The following GPI variants were observed in gnomAD, a reference collection of about 807,000 sequenced individuals.
GPI encodes glucose-6-phosphate isomerase, also known as D-hexose-6-phosphate anomerase.
In GPI, 56 loss-of-function variants were observed where a neutral mutation model predicts 75.8. The ratio of observed to expected loss-of-function variants is 0.74; its 90% CI spans 0.60 to 0.92. GPI has a LOEUF of 0.92. Among genes scored for constraint, GPI ranks in the 40% least tolerant of loss-of-function variants. GPI has a pLI of 0.00. For missense variants in GPI, 638 were observed against 741.0 expected (o/e 0.86, Z 1.61); for synonymous variants, 288 against 285.4 (o/e 1.01, Z -0.09).
At chr19:34,373,426 G>A (rs2074485582) in intron 4 of GPI, among the ~76,000 whole-genome samples, 1 of 151,250 alleles carries the variant, frequency 6.6e-6, no homozygotes, top group Non-Finnish European at 1.5e-5. Flanking sequence ...GCATGGTGGT[G>A]CATGCCGGTA....
chr19:34,365,420 G>T, intron 1 of GPI, 32 bp downstream of exon 1: 4 of 1,541,078 alleles, frequency 2.6e-6, no homozygotes, highest in Non-Finnish European at 3.5e-6. Context: ...GGGCTGCCAC[G>T]CGCGGCGCCC....
chr19:34,398,859 G>A, intron 14 of GPI: 1 of 216,504 alleles, frequency 4.6e-6, no homozygotes, highest in South Asian at 6.7e-5. Context: ...GCGCCACCAT[G>A]CCCAGCTAAA....
At chr19:34,395,142 C>G (rs1324450815) in intron 12 of GPI, among the ~76,000 whole-genome samples, 1 of 152,180 alleles carries the variant, frequency 6.6e-6, no homozygotes, top group African/African-American at 2.4e-5. Context: ...GCCAAGGTTC[C>G]CCAAATCCCA....
Position 34,368,701 on chromosome 19 carries a change from A to G in GPI, c.401A>G (p.Gln134Arg), listed in dbSNP as rs2074404801. 1 of 1,614,106 alleles carries G rather than the reference A, an allele frequency of 6.2e-7. No individual in the cohort carries two copies. Among genetic ancestry groups the G allele is most frequent in the African/African-American group, 1.3e-5 (1 of 74,930 alleles). ...KVLDKMKSFC[Q>R]RVRSGDWKGY... ...CTGGACAAGATGAAGTCTTTCTGCCAGGTAAGTGGCTACTGGGCCGGACTC... is the reference window on the plus strand; with the variant it reads ...CTGGACAAGATGAAGTCTTTCTGCCGGGTAAGTGGCTACTGGGCCGGACTC... The change falls in exon 4 of 18, where the codon CAG (glutamine) becomes CGG (arginine). Residue 134 changes from glutamine (Q) to arginine (R), a missense_variant and splice_region_variant. By Grantham distance (43) the Gln-to-Arg change is conservative. Coordinates refer to ENST00000356487, the MANE Select transcript of GPI (RefSeq NM_000175.5).
At chr19:34,392,195 T>TGGCACAAGTATGA (rs2074860022) in intron 9 of GPI, 22 of 11,490 alleles carry the variant, frequency 1.9e-3, no homozygotes, top group Non-Finnish European at 2.6e-3. Flanking sequence ...CTGAGGAGGT[T>TGGCACAAGTATGA]GGATCTGGCC....
At chr19:34,397,951 A>G (rs917664955) in intron 14 of GPI, 2 of 151,626 alleles carry the variant, frequency 1.3e-5, no homozygotes, top group Admixed American at 6.6e-5. Context: ...CACTGGCCCA[A>G]TCATAGCTCA....
intron 9 of GPI, among the ~76,000 whole-genome samples, chr19:34,387,268 A>G (rs950484527): frequency 6.6e-6 from 1 of 152,216 alleles, no homozygotes; most frequent in Non-Finnish European, 1.5e-5. Context: ...AAACCATTGC[A>G]TCGATGCTCA....
At chr19:34,378,696 G>A (rs1359502049) in intron 6 of GPI, among the ~76,000 whole-genome samples, 2 of 152,226 alleles carry the variant, frequency 1.3e-5, no homozygotes, top group Admixed American at 1.3e-4. Context: ...CCCCTCAGGG[G>A]AGAAGCTGCG....
intron 9 of GPI, among the ~76,000 whole-genome samples, chr19:34,390,757 A>T (rs1176184643): frequency 1.3e-5 from 2 of 150,236 alleles, no homozygotes; most frequent in Non-Finnish European, 3.0e-5. Context: ...AGCATCTGGC[A>T]CAGGTATGAG....
At chr19:34,388,467 A>G (rs560545699) in intron 9 of GPI, among the ~76,000 whole-genome samples, 24 of 140,200 alleles carry the variant, frequency 1.7e-4, no homozygotes, top group Non-Finnish European at 3.0e-4. Context: ...AGAGTGAGAG[A>G]CCCTGTCTCA....
chr19:34,366,172 G>C, intron 1 of GPI, 173 bp from the exon 2 acceptor site: 1 of 702,418 alleles, frequency 1.4e-6, no homozygotes, highest in Non-Finnish European at 2.6e-6. Flanking sequence ...TGCTGTTGCA[G>C]ATCATCCTGG....
At chr19:34,364,961 C>T (rs1473211392), upstream of GPI, 1 of 1,527,726 alleles carries the variant, frequency 6.5e-7, no homozygotes. Flanking sequence ...TCCCCGGGCT[C>T]TGCCCACCCT....
At position 34,396,327 on chromosome 19, in the gene GPI, C is replaced by T. The variant is rs1038882969; in HGVS notation, c.1089C>T (p.Tyr363=). 1.9e-6 allele frequency: 3 copies of T among 1,614,152 alleles called. No individual in the cohort carries two copies. The African/African-American group carries it at 4.0e-5, about 22-fold the overall frequency. ...QQGDMESNGK[Y]ITKSGTRVDH... is the part of the protein sequence containing the mutation. The stretch of plus-strand genomic sequence containing the variant: ...GCGACATGGAGTCCAATGGGAAATA[C>T]ATCACCAAATCTGGAACCCGTGTGG... The change falls in exon 13 of 18, where the codon TAC becomes TAT. Residue 363 remains tyrosine, a synonymous_variant. Transcript: ENST00000356487.
In GPI at chr19:34,400,561, C is replaced by G. The variant is rs1568352987; in HGVS notation, c.*525C>G. The G allele has an allele frequency of 2.9e-5, 13 of 449,656 alleles. No individual in the cohort carries two copies. In the East Asian group the frequency reaches 4.2e-4, roughly 14 times the overall value. 27.9% of individuals were successfully genotyped at this position (449,656 alleles called of 1,614,324 possible). A position where few individuals can be genotyped will look rare whatever the true frequency, so the allele number is the denominator to read the frequency against. On this transcript the variant is annotated 3_prime_UTR_variant, in exon 18 of 18. Coordinates refer to ENST00000356487, the MANE Select transcript of GPI (RefSeq NM_000175.5). The stretch of plus-strand genomic sequence containing the variant: ...CAAATCCCAAGACTGTTTTCCACTC[C>G]TCACCTCTGTGACTGCAGAAATTGG...
chr19:34,397,276 C>G (rs1382315176), intron 14 of GPI: 2 of 155,434 alleles, frequency 1.3e-5, no homozygotes, highest in Non-Finnish European at 2.9e-5. Context: ...ATTCATTTCT[C>G]TATGGTTGTG....
chr19:34,368,189 G>A (rs533989602), intron 3 of GPI, among the ~76,000 whole-genome samples: 33 of 152,370 alleles, frequency 2.2e-4, no homozygotes, highest in Non-Finnish European at 3.8e-4. Flanking sequence ...CCAGAGTTCC[G>A]GGATTACAGG....
intron 9 of GPI, among the ~76,000 whole-genome samples, chr19:34,387,087 T>G (rs1200672040): frequency 6.6e-6 from 1 of 152,094 alleles, no homozygotes; most frequent in Non-Finnish European, 1.5e-5. Flanking sequence ...GGAATCTGAG[T>G]TGGGCTTAGG....
chr19:34,377,933 G>T (rs558529789), intron 6 of GPI, 52 bp downstream of exon 6: 1 of 1,596,276 alleles, frequency 6.3e-7, no homozygotes, highest in Non-Finnish European at 8.6e-7. Context: ...GTTGGGGTGG[G>T]GAGGGACAGC....
At position 34,365,844 on chromosome 19, in the gene GPI, T is replaced by G. The variant is rs28609064; in HGVS notation, c.122+456T>G. The G allele has an allele frequency of 6.3e-3, 2,972 of 470,462 alleles. 82 individuals carry two copies. The highest frequency in any genetic ancestry group is 0.05 in the African/African-American group (2,559 of 50,750). The allele number at this position is 470,462 out of a possible 1,614,324, so 29.1% of individuals were successfully genotyped here. A position where few individuals can be genotyped will look rare whatever the true frequency, so the allele number is the denominator to read the frequency against. On this transcript the variant is annotated intron_variant, in intron 1 of 17. Transcript: ENST00000356487. The stretch of plus-strand genomic sequence containing the variant: ...TGTTTGAGGGAGCTGGGTGGAAGGA[T>G]GGAGACGTCGGGCGTGATTCCTGCA...
Sources: allele counts gnomAD v4.1 joint callset (sites outside exome capture counted in the v4.1 genomes callset), GRCh38; gene constraint gnomAD v4.1.1; transcripts MANE v1.5; gene names NCBI Gene and HGNC (gene_info 2026-07-23, HGNC 2026-07-21).